PDE4D: variants seen among roughly 807,000 people sequenced by gnomAD.
PDE4D encodes phosphodiesterase 4D.
A neutral mutation model predicts 87.4 loss-of-function variants in PDE4D; 24 were observed. The observed-to-expected ratio is 0.27, with a 90% CI of 0.20 to 0.39. The LOEUF is 0.39. Ranked by LOEUF, PDE4D falls within the 10% of genes least tolerant of loss-of-function variation. The probability of loss-of-function intolerance (pLI) is 1.00; values close to 1 mark genes in which losing one functional copy is unlikely to be tolerated. For missense variants in PDE4D, 714 were observed against 1,041.0 expected, an observed-to-expected ratio of 0.69 and a Z score of 4.32; for synonymous variants, 384 against 383.2, an observed-to-expected ratio of 1.00 and a Z score of -0.02.
At chr5:60,228,507 C>G (rs1583147781) in intron 1 of PDE4D, among the ~76,000 whole-genome samples, 1 of 151,972 alleles carries the variant, frequency 6.6e-6, no homozygotes, top group Non-Finnish European at 1.5e-5. Context: ...TGGGTGCCCC[C>G]CAATGAGCTG....
intron 3 of PDE4D, among the ~76,000 whole-genome samples, chr5:59,972,220 C>T (rs749149883): frequency 3.9e-5 from 6 of 152,198 alleles, no homozygotes; most frequent in Non-Finnish European, 7.3e-5. Flanking sequence ...AATGCATATT[C>T]CTACTCCCCT....
intron 1 of PDE4D, among the ~76,000 whole-genome samples, chr5:59,808,277 C>T (rs1379974834): frequency 6.6e-6 from 1 of 152,066 alleles, no homozygotes; most frequent in Non-Finnish European, 1.5e-5. Context: ...TCAGATAATG[C>T]TCCCTCTTCA....
chr5:59,826,824 G>T (rs1400719959), intron 1 of PDE4D, among the ~76,000 whole-genome samples: 1 of 152,094 alleles, frequency 6.6e-6, no homozygotes, highest in Non-Finnish European at 1.5e-5. Flanking sequence ...TCAAATTGGT[G>T]CCAAATAGGA....
chr5:59,152,235 C>T (rs969547009), intron 5 of PDE4D, among the ~76,000 whole-genome samples: 1 of 151,988 alleles, frequency 6.6e-6, no homozygotes, highest in African/African-American at 2.4e-5. Context: ...CAGTGTTTGG[C>T]ACACAGAATT....
At chr5:59,183,537 T>G (rs1742177207) in intron 4 of PDE4D, among the ~76,000 whole-genome samples, 1 of 152,184 alleles carries the variant, frequency 6.6e-6, no homozygotes, top group Non-Finnish European at 1.5e-5. Context: ...TTGTTCACTT[T>G]TTAAAGACAA....
chr5:59,698,227 T>C (rs974325218), intron 1 of PDE4D, among the ~76,000 whole-genome samples: 6 of 152,116 alleles, frequency 3.9e-5, no homozygotes, highest in Non-Finnish European at 8.8e-5. Flanking sequence ...GCATTCTCTT[T>C]AGGGACAAGA....
intron 1 of PDE4D, among the ~76,000 whole-genome samples, chr5:59,713,514 C>T (rs1167801588): frequency 6.6e-6 from 1 of 152,186 alleles, no homozygotes; most frequent in African/African-American, 2.4e-5. Flanking sequence ...CATGATTCCT[C>T]TAGTGTTTTT....
At chr5:59,973,761 A>G (rs1274286628) in intron 3 of PDE4D, among the ~76,000 whole-genome samples, 2 of 152,150 alleles carry the variant, frequency 1.3e-5, no homozygotes, top group African/African-American at 4.8e-5. Context: ...ACCCTTTGCT[A>G]AGGCACTGTG....
At chr5:60,036,744 T>A (rs570165662) in intron 2 of PDE4D, among the ~76,000 whole-genome samples, 64 of 152,218 alleles carry the variant, frequency 4.2e-4, no homozygotes, top group African/African-American at 1.4e-3. Context: ...CTAGTTACCC[T>A]CGTGTCCTCA....
chr5:59,949,565 TGTA>T (rs1758084678), intron 3 of PDE4D, among the ~76,000 whole-genome samples: 1 of 152,142 alleles, frequency 6.6e-6, no homozygotes, highest in African/African-American at 2.4e-5. Context: ...CACATCAAAT[TGTA>T]GTGGAGAGCC....
At chr5:59,876,479 C>T (rs148231024) in intron 1 of PDE4D, among the ~76,000 whole-genome samples, 105 of 152,254 alleles carry the variant, frequency 6.9e-4, no homozygotes, top group African/African-American at 2.5e-3. Context: ...TCTTTATCCA[C>T]CTGCCTTTTT....
At chr5:59,330,676 C>A (rs555797757) in intron 1 of PDE4D, among the ~76,000 whole-genome samples, 1 of 152,170 alleles carries the variant, frequency 6.6e-6, no homozygotes, top group South Asian at 2.1e-4. Flanking sequence ...AAAATAATGT[C>A]TTTTAGTTTA....
At chr5:60,010,159 T>C (rs1396104518) in intron 2 of PDE4D, among the ~76,000 whole-genome samples, 1 of 152,098 alleles carries the variant, frequency 6.6e-6, no homozygotes, top group East Asian at 1.9e-4. Flanking sequence ...AAAATTAGAA[T>C]AACTCAATCC....
At chr5:60,435,500 G>A (rs1437593852) in intron 1 of PDE4D, among the ~76,000 whole-genome samples, 7 of 152,038 alleles carry the variant, frequency 4.6e-5, no homozygotes, top group Non-Finnish European at 1.0e-4. Context: ...GACAATTGGT[G>A]TTAGTTATGA....
chr5:60,467,000 T>C (rs1273134870), intron 1 of PDE4D, among the ~76,000 whole-genome samples: 2 of 151,104 alleles, frequency 1.3e-5, no homozygotes, highest in Non-Finnish European at 1.5e-5. Context: ...TTTTAACAGA[T>C]CTGCACTGGA....
At chr5:60,060,212 C>A (rs1243203942) in intron 2 of PDE4D, among the ~76,000 whole-genome samples, 2 of 152,092 alleles carry the variant, frequency 1.3e-5, no homozygotes, top group African/African-American at 2.4e-5. Context: ...AGTAGATATG[C>A]CCACACTACT....
intron 5 of PDE4D, among the ~76,000 whole-genome samples, chr5:59,137,550 G>A (rs568891470): frequency 7.0e-6 from 1 of 143,194 alleles, no homozygotes; most frequent in East Asian, 2.1e-4. Context: ...TTCTTGAGAT[G>A]GAGTCTCGCT....
intron 1 of PDE4D, among the ~76,000 whole-genome samples, chr5:60,228,139 T>C (rs1427692700): frequency 6.6e-6 from 1 of 152,090 alleles, no homozygotes; most frequent in African/African-American, 2.4e-5. Flanking sequence ...TTCCCTTTCC[T>C]AATATTCATG....
chr5:60,109,555 T>G (rs1303281384), intron 2 of PDE4D, among the ~76,000 whole-genome samples: 1 of 151,708 alleles, frequency 6.6e-6, no homozygotes, highest in Non-Finnish European at 1.5e-5. Flanking sequence ...TAAAGACACA[T>G]GCACACGTAT....
Sources: gnomAD v4.1 joint callset for allele counts (sites outside exome capture counted in the v4.1 genomes callset) on GRCh38, gnomAD v4.1.1 for gene constraint, MANE v1.5 for transcripts, NCBI Gene and HGNC (gene_info 2026-07-23, HGNC 2026-07-21) for gene names.